The following RAB31 variants were observed in gnomAD, a reference collection of about 807,000 sequenced individuals.
RAB31 encodes ras-related protein Rab-31.
Under a neutral mutation model 25.6 loss-of-function variants are expected in RAB31, and 21 were observed. The ratio of observed to expected loss-of-function variants is 0.82; its 90% confidence interval spans 0.58 to 1.18. The LOEUF (loss-of-function observed/expected upper bound fraction) is 1.18, where lower values mean the gene tolerates loss of function less well. Among genes scored for constraint, RAB31 ranks in the 50% most tolerant of loss-of-function variants. The pLI is 0.00. For missense variants in RAB31, 196 were observed against 250.1 expected, an observed-to-expected ratio of 0.78 and a Z score of 1.46; for synonymous variants, 87 against 84.0, an observed-to-expected ratio of 1.04 and a Z score of -0.20.
chr18:9,862,365 T>A lies in RAB31; in HGVS notation c.*3040T>A, dbSNP rs2068852785. The A allele has an allele frequency of 6.6e-6, 1 of 152,274 alleles. No individual in the cohort carries two copies. The highest frequency in any genetic ancestry group is 2.1e-4 in the South Asian group (1 of 4,826). The allele number at this position is 152,274 out of a possible 1,614,324, so 9.4% of individuals were successfully genotyped here. ...CAAACTGCTCCTTTTTCTCGTGTTT[T>A]TGTAAAGAGCTTCCATCTGGGCTGG... is the stretch of plus-strand genomic sequence containing the variant. On this transcript the variant is annotated 3_prime_UTR_variant, in exon 7 of 7. Coordinates refer to ENST00000578921, the MANE Select transcript of RAB31 (RefSeq NM_006868.4).
At chr18:9,719,677 TCTGTTATGTCGCTG>T (rs2068064720) in intron 1 of RAB31, among the ~76,000 whole-genome samples, 2 of 152,146 alleles carry the variant, frequency 1.3e-5, no homozygotes, top group African/African-American at 4.8e-5. Flanking sequence ...CTGTATTTCT[TCTGTTATGTCGCTG>T]CTTTTTTTCT....
At chr18:9,839,131 G>A (rs1156444946) in intron 5 of RAB31, among the ~76,000 whole-genome samples, 1 of 152,204 alleles carries the variant, frequency 6.6e-6, no homozygotes, top group African/African-American at 2.4e-5. Flanking sequence ...CAAGGAGATG[G>A]TATGACGATA....
chr18:9,813,580 G>T (rs72959354), intron 3 of RAB31, among the ~76,000 whole-genome samples: 1 of 152,142 alleles, frequency 6.6e-6, no homozygotes, highest in East Asian at 1.9e-4. Context: ...GGCCGGGTGC[G>T]GTAGCTCACA....
intron 1 of RAB31, among the ~76,000 whole-genome samples, chr18:9,751,954 A>G (rs1218894345): frequency 6.6e-6 from 1 of 152,218 alleles, no homozygotes; most frequent in Admixed American, 6.5e-5. Context: ...GCTGGGCCCC[A>G]GGAAGACAGG....
chr18:9,763,600 T>TTG (rs2068299708), intron 1 of RAB31, among the ~76,000 whole-genome samples: 2 of 141,696 alleles, frequency 1.4e-5, no homozygotes, highest in East Asian at 4.0e-4. Context: ...AAGAAAAAAA[T>TTG]TATATATATA....
chr18:9,850,977 G>A (rs1250739838), intron 6 of RAB31, among the ~76,000 whole-genome samples: 1 of 152,246 alleles, frequency 6.6e-6, no homozygotes, highest in African/African-American at 2.4e-5. Context: ...GTTAAGACTT[G>A]TGGGTAGTGA....
At chr18:9,784,813 A>G (rs2068423720) in intron 2 of RAB31, among the ~76,000 whole-genome samples, 1 of 152,152 alleles carries the variant, frequency 6.6e-6, no homozygotes, top group South Asian at 2.1e-4. Flanking sequence ...TCAACCTCCC[A>G]AAGTGCTGGG....
intron 1 of RAB31, among the ~76,000 whole-genome samples, chr18:9,728,093 G>C (rs2068104301): frequency 6.6e-6 from 1 of 152,146 alleles, no homozygotes; most frequent in Non-Finnish European, 1.5e-5. Flanking sequence ...TCTATTTCTT[G>C]TGTATTTTTT....
At chr18:9,721,320 A>G (rs894215657) in intron 1 of RAB31, among the ~76,000 whole-genome samples, 7 of 152,156 alleles carry the variant, frequency 4.6e-5, no homozygotes, top group Admixed American at 3.3e-4. Context: ...TATACAAATA[A>G]TTGGGGTCGA....
chr18:9,765,580 T>C (rs192845821), intron 1 of RAB31, among the ~76,000 whole-genome samples: 5 of 152,314 alleles, frequency 3.3e-5, no homozygotes, highest in Admixed American at 6.5e-5. Flanking sequence ...ATTGTCCCTC[T>C]GGTGAAAAGT....
At chr18:9,844,374 C>A (rs1424749746) in intron 5 of RAB31, among the ~76,000 whole-genome samples, 1 of 152,212 alleles carries the variant, frequency 6.6e-6, no homozygotes, top group Non-Finnish European at 1.5e-5. Flanking sequence ...ACTCTCCTGT[C>A]TCTGGGCCTC....
chr18:9,728,032 C>T (rs1190340116), intron 1 of RAB31, among the ~76,000 whole-genome samples: 6 of 152,182 alleles, frequency 3.9e-5, no homozygotes, highest in Admixed American at 3.9e-4. Flanking sequence ...AAAAGGTACA[C>T]ATAGGTATAA....
chr18:9,712,132 C>A (rs567244453), intron 1 of RAB31, among the ~76,000 whole-genome samples: 14 of 152,358 alleles, frequency 9.2e-5, no homozygotes, highest in Non-Finnish European at 1.9e-4. Context: ...TTAGGAATGT[C>A]CAAGCTTATT....
intron 5 of RAB31, among the ~76,000 whole-genome samples, chr18:9,828,872 C>A (rs1307769826): frequency 6.6e-6 from 1 of 152,088 alleles, no homozygotes; most frequent in Admixed American, 6.5e-5. Flanking sequence ...ATGCGTTTTC[C>A]TTATGTGAGA....
chr18:9,737,965 G>A (rs752319353), intron 1 of RAB31, among the ~76,000 whole-genome samples: 5 of 152,130 alleles, frequency 3.3e-5, no homozygotes, highest in Non-Finnish European at 7.3e-5. Context: ...TACCAACAAC[G>A]TGGTCCTGGC....
chr18:9,752,995 A>G (rs1737289815), intron 1 of RAB31, among the ~76,000 whole-genome samples: 1 of 152,252 alleles, frequency 6.6e-6, no homozygotes, highest in Admixed American at 6.5e-5. Flanking sequence ...TAAGATATGT[A>G]CAGTGGAATT....
chr18:9,859,367 C>A lies in RAB31; in HGVS notation c.*42C>A. On this transcript the variant is annotated 3_prime_UTR_variant, in exon 7 of 7. Coordinates refer to ENST00000578921, the MANE Select transcript of RAB31 (RefSeq NM_006868.4). Reference sequence around the variant, plus strand: ...CACGGTACTTGAAGAAGCCAGAGCCCACATCCTGTGCACTGCTGAAGGACC... The same window carrying A: ...CACGGTACTTGAAGAAGCCAGAGCCAACATCCTGTGCACTGCTGAAGGACC... 6.5e-7 allele frequency: 1 copy of A among 1,541,056 alleles called. No homozygotes were observed. Among genetic ancestry groups the A allele is most frequent in the East Asian group, 2.2e-5 (1 of 44,466 alleles).
intron 3 of RAB31, among the ~76,000 whole-genome samples, chr18:9,799,019 T>G (rs6650630): frequency 0.4 from 61,124 of 151,858 alleles, 12,465 homozygotes; most frequent in South Asian, 0.52. Flanking sequence ...AGAAGGCGAA[T>G]GTTGCAGTGA....
chr18:9,766,073 A>G lies in RAB31; in HGVS notation c.40-9205A>G, dbSNP rs889163936. On this transcript the variant is annotated intron_variant, in intron 1 of 6. Transcript: ENST00000578921. This position sits in a 1 kb window ranked among gnomAD's most constrained non-coding sequence, Gnocchi z 4.3. ...TTTCTGTGGGGTTTCTTTGAAATCGAAAAGGGAAGGTGCAGTGCTTCCTGG... is the reference window on the plus strand; with the variant it reads ...TTTCTGTGGGGTTTCTTTGAAATCGGAAAGGGAAGGTGCAGTGCTTCCTGG... Among the ~76,000 whole-genome samples the G allele has an allele frequency of 6.6e-6, 1 of 152,156 alleles. No homozygotes were observed. The highest frequency in any genetic ancestry group is 1.5e-5 in the Non-Finnish European group (1 of 68,020).
Sources: allele counts gnomAD v4.1 joint callset (sites outside exome capture counted in the v4.1 genomes callset), GRCh38; gene constraint gnomAD v4.1.1; non-coding constraint Gnocchi (gnomAD v3.1); transcripts MANE v1.5; gene names NCBI Gene and HGNC (gene_info 2026-07-23, HGNC 2026-07-21).